Variants in GLUD1 observed in about 807,000 individuals in gnomAD.
GLUD1 encodes glutamate dehydrogenase 1, mitochondrial.
GLUD1 carries 22 observed loss-of-function variants against 56.0 expected under a neutral mutation model. The ratio of observed to expected loss-of-function variants is 0.39; its 90% CI spans 0.28 to 0.56. The LOEUF is 0.56. Among genes scored for constraint, GLUD1 ranks in the 20% least tolerant of loss-of-function variants. The pLI is 0.58. For missense variants in GLUD1, 451 were observed against 732.0 expected (o/e 0.62, Z 4.43); for synonymous variants, 223 against 269.9 (o/e 0.83, Z 1.70).
chr10:87,088,021 T>C (rs1841424401), intron 1 of GLUD1, among the ~76,000 whole-genome samples: 1 of 151,920 alleles, frequency 6.6e-6, no homozygotes, highest in Non-Finnish European at 1.5e-5. Context: ...GCAGAGGTTG[T>C]AGTGAGCCAA....
Position 87,050,324 on chromosome 10 carries a change from A to G in GLUD1, c.*1427T>C, listed in dbSNP as rs1845598066. Among the ~76,000 whole-genome samples the G allele has an allele frequency of 6.6e-6, 1 of 152,128 alleles. No homozygotes were observed. Among genetic ancestry groups the G allele is most frequent in the Admixed American group, 6.6e-5 (1 of 15,254 alleles). ...TGAACGTGTAAAGCACCGAACAAAA[A>G]AAAAAAAAACAATTCAAGAATAAAA... On this transcript the variant is annotated 3_prime_UTR_variant, in exon 13 of 13. Transcript: ENST00000277865.
intron 4 of GLUD1, among the ~76,000 whole-genome samples, chr10:87,072,172 G>A (rs1846256734): frequency 6.6e-6 from 1 of 152,118 alleles, no homozygotes; most frequent in Non-Finnish European, 1.5e-5. Flanking sequence ...ACTTGGGAGG[G>A]TGAGGTGAGA....
intron 3 of GLUD1, 87 bp from the exon 4 acceptor site, chr10:87,074,701 G>C: frequency 1.2e-6 from 1 of 805,900 alleles, no homozygotes. Context: ...TCTATTTATA[G>C]TACATTTTCA....
intron 5 of GLUD1, among the ~76,000 whole-genome samples, chr10:87,064,371 T>C (rs1055383156): frequency 1.3e-5 from 2 of 152,156 alleles, no homozygotes; most frequent in Non-Finnish European, 2.9e-5. Context: ...AACTCATCGG[T>C]GGAGCAGGAG....
At chr10:87,059,319 G>A (rs768289655) in intron 9 of GLUD1, 46 bp from the exon 10 acceptor site, 17 of 1,597,078 alleles carry the variant, frequency 1.1e-5, no homozygotes, top group Admixed American at 1.7e-5. Context: ...GATGGTTTTC[G>A]TAAAAGCTGA....
At chr10:87,053,739 CACTG>C (rs1340958563) in intron 11 of GLUD1, among the ~76,000 whole-genome samples, 2 of 152,194 alleles carry the variant, frequency 1.3e-5, no homozygotes, top group African/African-American at 4.8e-5. Flanking sequence ...GACGCAGATG[CACTG>C]AGCAATGTGT....
rs201899875 is a variant in GLUD1, at chr10:87,090,163, T to C, written c.445+4162A>G. 2.8e-4 allele frequency among the ~76,000 whole-genome samples: 43 copies of C among 152,356 alleles called. No individual in the cohort carries two copies. In the East Asian group the frequency reaches 6.2e-3, roughly 22 times the overall value. ...TACAGGTTAGTATTTTAGTTTTTAATGGTTACAGAACCCTTAGTATTTTTA... is the reference window on the plus strand; with the variant it reads ...TACAGGTTAGTATTTTAGTTTTTAACGGTTACAGAACCCTTAGTATTTTTA... On this transcript the variant is annotated intron_variant, in intron 1 of 12. Transcript: ENST00000277865.
At chr10:87,087,522 G>A (rs1042147123) in intron 1 of GLUD1, among the ~76,000 whole-genome samples, 1 of 152,136 alleles carries the variant, frequency 6.6e-6, no homozygotes, top group Non-Finnish European at 1.5e-5. Flanking sequence ...CTACCCAGAA[G>A]CCCATTAAGA....
chr10:87,086,139 G>A (rs772530905), intron 1 of GLUD1, among the ~76,000 whole-genome samples: 10 of 152,154 alleles, frequency 6.6e-5, no homozygotes, highest in Non-Finnish European at 1.2e-4. Flanking sequence ...GGGAAGTGAG[G>A]CATGGACAGG....
intron 2 of GLUD1, 30 bp downstream of exon 2, chr10:87,076,546 C>T (rs754344757): frequency 3.8e-6 from 5 of 1,302,592 alleles, no homozygotes; most frequent in Admixed American, 1.7e-5. Context: ...CCAGAGTTCT[C>T]ATTAGGCAGC....
chr10:87,080,990 CG>C (rs1841224627), intron 1 of GLUD1, among the ~76,000 whole-genome samples: 2 of 140,086 alleles, frequency 1.4e-5, no homozygotes, highest in African/African-American at 2.7e-5. Flanking sequence ...GCCCCCCGCC[CG>C]GCCAGCCGCC....
chr10:87,071,337 T>G (rs1024896213), intron 4 of GLUD1, among the ~76,000 whole-genome samples: 1 of 151,616 alleles, frequency 6.6e-6, no homozygotes, highest in African/African-American at 2.4e-5. Flanking sequence ...GGATTACAGG[T>G]ACCTGCCTGG....
rs769832697 is a variant in GLUD1 at position 87,050,319 on chromosome 10, C to CA, written c.*1431dup. On this transcript the variant is annotated 3_prime_UTR_variant, in exon 13 of 13. Coordinates refer to ENST00000277865, the MANE Select transcript of GLUD1 (RefSeq NM_005271.5). The stretch of plus-strand genomic sequence containing the variant: ...TTCTCTGAACGTGTAAAGCACCGAA[C>CA]AAAAAAAAAAAAAACAATTCAAGAA... 0.09 allele frequency among the ~76,000 whole-genome samples: 6,398 copies of CA among 71,310 alleles called. 272 individuals carry two copies. The highest frequency in any genetic ancestry group is 0.21 in the Admixed American group (1,674 of 7,806). 46.8% of individuals were successfully genotyped at this position (71,310 alleles called of 152,430 possible).
At chr10:87,052,947 T>A (rs1238902216) in intron 12 of GLUD1, among the ~76,000 whole-genome samples, 1 of 152,080 alleles carries the variant, frequency 6.6e-6, no homozygotes, top group Non-Finnish European at 1.5e-5. Context: ...GGACTCAAAC[T>A]GTGGTTGAGG....
intron 5 of GLUD1, among the ~76,000 whole-genome samples, chr10:87,066,653 T>C (rs1846084836): frequency 6.6e-6 from 1 of 152,368 alleles, no homozygotes; most frequent in East Asian, 1.9e-4. Context: ...AGGCTTTTTC[T>C]GACCTTACCT....
At chr10:87,069,737 C>T (rs1213972168) in intron 4 of GLUD1, among the ~76,000 whole-genome samples, 4 of 152,108 alleles carry the variant, frequency 2.6e-5, no homozygotes, top group South Asian at 2.1e-4. Flanking sequence ...TATAAGATAA[C>T]TTTGAAATGG....
At chr10:87,070,926 G>A (rs1336204369) in intron 4 of GLUD1, among the ~76,000 whole-genome samples, 2 of 151,874 alleles carry the variant, frequency 1.3e-5, no homozygotes, top group African/African-American at 4.8e-5. Context: ...TCAGGAGATC[G>A]AGACCATCCT....
intron 1 of GLUD1, among the ~76,000 whole-genome samples, chr10:87,087,512 C>A (rs1324211853): frequency 6.6e-6 from 1 of 152,188 alleles, no homozygotes; most frequent in Non-Finnish European, 1.5e-5. Context: ...CACCTTGAAG[C>A]TACCCAGAAG....
Position 87,057,660 on chromosome 10 carries a change from T to C in GLUD1, c.1494+31A>G, listed in dbSNP as rs755297500. The C allele has an allele frequency of 2.8e-6, 3 of 1,066,810 alleles. No homozygotes were observed. The African/African-American group carries it at 4.6e-5, about 16-fold the overall frequency. 66.1% of individuals were successfully genotyped at this position (1,066,810 alleles called of 1,614,324 possible). On this transcript the variant is annotated intron_variant, in intron 11 of 12. Transcript: ENST00000277865. ...TGAAGGAAAGAGCAGGGAGCATGTGTGAAGTACAACTGTGGGGTCACCACA... is the reference window on the plus strand; with the variant it reads ...TGAAGGAAAGAGCAGGGAGCATGTGCGAAGTACAACTGTGGGGTCACCACA...
Sources: allele counts gnomAD v4.1 joint callset (sites outside exome capture counted in the v4.1 genomes callset), GRCh38; gene constraint gnomAD v4.1.1; transcripts MANE v1.5; gene names NCBI Gene and HGNC (gene_info 2026-07-23, HGNC 2026-07-21).